The following PHLDB2 variants were observed in gnomAD, a reference collection of about 807,000 sequenced individuals.
The protein encoded by PHLDB2 is pleckstrin homology-like domain family B member 2.
Under a neutral mutation model 123.6 loss-of-function variants are expected in PHLDB2, and 71 were observed. The ratio of observed to expected loss-of-function variants is 0.57; its 90% CI spans 0.47 to 0.70. The LOEUF (loss-of-function observed/expected upper bound fraction) is 0.70, where lower values mean the gene tolerates loss of function less well. PHLDB2 is among the 30% of genes least tolerant of loss of function. PHLDB2 has a pLI of 0.00. For synonymous variants in PHLDB2, 547 were observed against 541.6 expected (o/e 1.01, Z -0.14); for missense variants, 1,446 against 1,519.5 (o/e 0.95, Z 0.80).
At position 111,884,833 on chromosome 3, in the gene PHLDB2, C is replaced by T. The variant is rs750258120; in HGVS notation, c.756C>T (p.Tyr252=). 3.7e-6 allele frequency: 6 copies of T among 1,614,160 alleles called. No individual in the cohort carries two copies. The East Asian group carries it at 8.9e-5, about 24-fold the overall frequency. Residue 252 remains tyrosine, a synonymous_variant, in exon 2 of 18, where the codon TAC becomes TAT. Coordinates refer to ENST00000431670, the MANE Select transcript of PHLDB2 (RefSeq NM_001134438.2). The part of the protein sequence containing the change: ...SSSSLSHMGA[Y]SRSLPRLYRA... ...GCAGCCTGAGTCACATGGGAGCCTA[C>T]AGCCGATCACTTCCCAGGTTGTACA...
intron 1 of PHLDB2, among the ~76,000 whole-genome samples, chr3:111,864,559 A>T (rs2064978296): frequency 6.6e-6 from 1 of 152,226 alleles, no homozygotes; most frequent in Non-Finnish European, 1.5e-5. Flanking sequence ...TTTAAAGGCA[A>T]GATAGTTGTC....
intron 2 of PHLDB2, among the ~76,000 whole-genome samples, chr3:111,906,878 A>C (rs1287585337): frequency 6.6e-6 from 1 of 152,202 alleles, no homozygotes; most frequent in African/African-American, 2.4e-5. Context: ...GCACGCATAC[A>C]TGCACATGCT....
chr3:111,881,648 T>C (rs974612890), intron 1 of PHLDB2, among the ~76,000 whole-genome samples: 1 of 152,200 alleles, frequency 6.6e-6, no homozygotes, highest in Non-Finnish European at 1.5e-5. Context: ...TTCTCTGTAC[T>C]GAGAATGGCA....
Position 111,919,186 on chromosome 3 carries a change from A to T in PHLDB2, c.1834A>T (p.Asn612Tyr). The change falls in exon 4 of 18, where the codon AAT becomes TAT. Residue 612 changes from asparagine (N) to tyrosine (Y), a missense_variant. Asn to Tyr is a moderately radical substitution (Grantham distance 143). Coordinates refer to ENST00000431670, the MANE Select transcript of PHLDB2 (RefSeq NM_001134438.2). ...ACTTAAGCAAAAAATCAAAGACATA[A>T]ATGATCAGATGGATGAGTCTTTCAG... ...EELKQKIKDI[N>Y]DQMDESFREL... is the part of the protein sequence containing the mutation. 6.2e-7 allele frequency: 1 copy of T among 1,614,122 alleles called. No individual in the cohort carries two copies. Among genetic ancestry groups the T allele is most frequent in the Non-Finnish European group, 8.5e-7 (1 of 1,179,956 alleles).
chr3:111,930,901 A>T (rs980563433), intron 5 of PHLDB2, among the ~76,000 whole-genome samples: 1 of 152,220 alleles, frequency 6.6e-6, no homozygotes, highest in African/African-American at 2.4e-5. Flanking sequence ...AGAAAATTAC[A>T]TTTCTAAAGC....
chr3:111,897,436 T>G (rs2066940236), intron 2 of PHLDB2, among the ~76,000 whole-genome samples: 2 of 152,228 alleles, frequency 1.3e-5, no homozygotes, highest in Non-Finnish European at 2.9e-5. Context: ...GTATGTCTAA[T>G]TCATCTTCCC....
At chr3:111,811,264 T>C (rs528824868) in intron 1 of PHLDB2, among the ~76,000 whole-genome samples, 1 of 152,292 alleles carries the variant, frequency 6.6e-6, no homozygotes, top group Admixed American at 6.5e-5. Context: ...CTTTCAGGAC[T>C]TGGTGTTTGC....
At chr3:111,857,379 A>T (rs1040230898), upstream of PHLDB2, among the ~76,000 whole-genome samples, 1 of 150,268 alleles carries the variant, frequency 6.7e-6, no homozygotes, top group African/African-American at 2.5e-5. Flanking sequence ...TGAGCCCAGG[A>T]GGTTAAGGCT....
intron 1 of PHLDB2, among the ~76,000 whole-genome samples, chr3:111,744,126 A>T (rs1317939743): frequency 6.6e-6 from 1 of 152,224 alleles, no homozygotes; most frequent in African/African-American, 2.4e-5. Flanking sequence ...AGCCCAGTAA[A>T]AAGTTGGGCA....
At chr3:111,846,632 A>T (rs2064000270) in intron 2 of PHLDB2, among the ~76,000 whole-genome samples, 1 of 152,122 alleles carries the variant, frequency 6.6e-6, no homozygotes, top group Non-Finnish European at 1.5e-5. Flanking sequence ...TTAATTTTTC[A>T]TTTACTCATT....
intron 5 of PHLDB2, among the ~76,000 whole-genome samples, chr3:111,931,180 G>C (rs1268571701): frequency 6.6e-6 from 1 of 152,200 alleles, no homozygotes; most frequent in Non-Finnish European, 1.5e-5. Flanking sequence ...GGAAGGGAAG[G>C]TGGTGGTCAT....
chr3:111,810,647 G>A (rs141818696), intron 1 of PHLDB2, among the ~76,000 whole-genome samples: 25 of 152,198 alleles, frequency 1.6e-4, no homozygotes, highest in African/African-American at 6.0e-4. Context: ...GTCATATTGA[G>A]GGTTAGGGCT....
chr3:111,777,532 A>G (rs528283035), intron 1 of PHLDB2, among the ~76,000 whole-genome samples: 3 of 152,252 alleles, frequency 2.0e-5, no homozygotes, highest in Admixed American at 2.0e-4. Flanking sequence ...TCAAATGTGA[A>G]TATTTTTAGA....
chr3:111,766,358 G>A (rs567447702), intron 1 of PHLDB2, among the ~76,000 whole-genome samples: 66 of 149,798 alleles, frequency 4.4e-4, no homozygotes, highest in Non-Finnish European at 7.7e-4. Flanking sequence ...CAGAAAAATC[G>A]TTTGAACCCA....
chr3:111,904,603 G>A (rs1346138958), intron 2 of PHLDB2, among the ~76,000 whole-genome samples: 2 of 152,156 alleles, frequency 1.3e-5, no homozygotes, highest in African/African-American at 2.4e-5. Flanking sequence ...GGTGTGAAAG[G>A]GGAAGTAGGG....
chr3:111,973,600 C>T (rs551756461), intron 16 of PHLDB2, 132 bp from the exon 17 acceptor site: 3 of 510,906 alleles, frequency 5.9e-6, no homozygotes, highest in Non-Finnish European at 1.0e-5. Context: ...TGCACTAGCC[C>T]AAGTTCTCTG....
At position 111,949,242 on chromosome 3, in the gene PHLDB2, A is replaced by T. The variant is rs143049049; in HGVS notation, c.2631+167A>T. Among the ~76,000 whole-genome samples, 10 of 152,330 alleles carry T rather than the reference A, an allele frequency of 6.6e-5. No individual in the cohort carries two copies. In the East Asian group the frequency reaches 1.9e-3, roughly 29 times the overall value. Reference sequence around the variant, plus strand: ...TTATAAAGTATACCAATTTGGGGGTAATGCTCTGCCAATAAAAAATTCTAG... The same window carrying T: ...TTATAAAGTATACCAATTTGGGGGTTATGCTCTGCCAATAAAAAATTCTAG... On this transcript the variant is annotated intron_variant, in intron 10 of 17. Coordinates refer to ENST00000431670, the MANE Select transcript of PHLDB2 (RefSeq NM_001134438.2).
chr3:111,811,895 C>T (rs983919972), intron 1 of PHLDB2, among the ~76,000 whole-genome samples: 6 of 152,156 alleles, frequency 3.9e-5, no homozygotes, highest in Non-Finnish European at 8.8e-5. Flanking sequence ...AAACTATATT[C>T]ATTTTTGTGA....
chr3:111,970,740 A>T, intron 16 of PHLDB2, among the ~76,000 whole-genome samples: 1 of 152,218 alleles, frequency 6.6e-6, no homozygotes, highest in East Asian at 1.9e-4. Context: ...GCAGCTGCTA[A>T]AAAAGAGTGG....
Sources: allele counts gnomAD v4.1 joint callset (sites outside exome capture counted in the v4.1 genomes callset), GRCh38; gene constraint gnomAD v4.1.1; transcripts MANE v1.5; gene names NCBI Gene and HGNC (gene_info 2026-07-23, HGNC 2026-07-21).